Variants in RUNX1 observed in about 807,000 individuals in gnomAD.
RUNX1 encodes RUNX family transcription factor 1.
RUNX1 carries 19 observed loss-of-function variants against 42.8 expected under a neutral mutation model. The observed-to-expected ratio is 0.44, with a 90% confidence interval of 0.31 to 0.65. The LOEUF (loss-of-function observed/expected upper bound fraction) is 0.65, where lower values mean the gene tolerates loss of function less well. RUNX1 is among the 30% of genes least tolerant of loss of function. The pLI, the probability that RUNX1 is intolerant of heterozygous loss-of-function variation, is 0.07. For synonymous variants in RUNX1, 271 were observed against 289.4 expected (o/e 0.94, Z 0.64); for missense variants, 528 against 672.0 (o/e 0.79, Z 2.37).
chr21:34,821,306 T>TATTAAGTCA (rs2056904470), intron 7 of RUNX1: 3 of 1,114,730 alleles, frequency 2.7e-6, no homozygotes, highest in Non-Finnish European at 3.3e-6. Context: ...ATTGACCATT[T>TATTAAGTCA]ATTAAGTATT....
intron 6 of RUNX1, among the ~76,000 whole-genome samples, chr21:34,834,935 G>T (rs1046448698): frequency 2.0e-5 from 3 of 152,228 alleles, no homozygotes; most frequent in Non-Finnish European, 4.4e-5. Flanking sequence ...GAGGGAAAGA[G>T]GCGCATTAAT....
At chr21:34,825,091 A>G (rs929057699) in intron 7 of RUNX1, among the ~76,000 whole-genome samples, 5 of 152,236 alleles carry the variant, frequency 3.3e-5, no homozygotes, top group African/African-American at 1.2e-4. Flanking sequence ...TCCTTTAGAA[A>G]TGGGTGTGTA....
chr21:34,938,346 A>C (rs2058501782), intron 2 of RUNX1, among the ~76,000 whole-genome samples: 1 of 152,206 alleles, frequency 6.6e-6, no homozygotes. Flanking sequence ...TTACTAATTA[A>C]GGGATAAATT....
chr21:35,008,502 G>A (rs545479927), intron 2 of RUNX1, among the ~76,000 whole-genome samples: 62 of 152,328 alleles, frequency 4.1e-4, no homozygotes, highest in Middle Eastern at 3.4e-3. Context: ...CTTTGGGCTG[G>A]GAGAATTCCT....
intron 7 of RUNX1, among the ~76,000 whole-genome samples, chr21:34,803,839 G>A (rs1391573434): frequency 6.6e-6 from 1 of 152,180 alleles, no homozygotes. Context: ...GAAGAAAGGA[G>A]AATGCTTTTA....
At chr21:34,912,992 A>C (rs1230158513) in intron 2 of RUNX1, among the ~76,000 whole-genome samples, 1 of 152,156 alleles carries the variant, frequency 6.6e-6, no homozygotes, top group Non-Finnish European at 1.5e-5. Context: ...GCACTTTGGG[A>C]GGCTGAGGCA....
chr21:34,865,054 G>C (rs910597444), intron 5 of RUNX1, among the ~76,000 whole-genome samples: 13 of 152,082 alleles, frequency 8.5e-5, no homozygotes, highest in African/African-American at 2.9e-4. Context: ...ATCTGTAAAA[G>C]GGGGTTAATA....
intron 7 of RUNX1, among the ~76,000 whole-genome samples, chr21:34,820,607 T>A (rs1332132646): frequency 6.6e-6 from 1 of 151,220 alleles, no homozygotes; most frequent in East Asian, 1.9e-4. Context: ...AGGTAGAGGT[T>A]GCAGTGAGCC....
At chr21:34,869,795 G>T (rs2057712821) in intron 5 of RUNX1, among the ~76,000 whole-genome samples, 1 of 152,216 alleles carries the variant, frequency 6.6e-6, no homozygotes, top group Admixed American at 6.5e-5. Context: ...CACTCAGGAA[G>T]AATGTGATGC....
chr21:34,928,967 G>A (rs1235029827), intron 2 of RUNX1, among the ~76,000 whole-genome samples: 2 of 148,764 alleles, frequency 1.3e-5, no homozygotes, highest in Non-Finnish European at 3.0e-5. Context: ...TTTTTGGGGG[G>A]GGGGGTAGAT....
Position 34,787,982 on chromosome 21 carries a change from C to T in RUNX1, c.*4153G>A, listed in dbSNP as rs918587469. On this transcript the variant is annotated 3_prime_UTR_variant, in exon 9 of 9. Coordinates refer to ENST00000675419, the MANE Select transcript of RUNX1 (RefSeq NM_001754.5). ...TCCCAGGAGAGGGGAGGCGGCCCAC[C>T]CGACTGTGTACCGTGGACTGTGGAC... is the stretch of plus-strand genomic sequence containing the variant. 6 of 233,378 alleles carry T rather than the reference C, an allele frequency of 2.6e-5. No homozygotes were observed. The highest frequency in any genetic ancestry group is 1.1e-4 in the African/African-American group (5 of 45,472). 14.5% of individuals were successfully genotyped at this position (233,378 alleles called of 1,614,324 possible).
intron 3 of RUNX1, chr21:34,887,782 T>C (rs1289172471): frequency 1.9e-5 from 20 of 1,062,784 alleles, no homozygotes; most frequent in Admixed American, 5.3e-5. Context: ...AATCCATTAA[T>C]GTACGCTGCA....
At chr21:34,986,427 G>A (rs1029475586) in intron 2 of RUNX1, among the ~76,000 whole-genome samples, 1 of 151,570 alleles carries the variant, frequency 6.6e-6, no homozygotes, top group Non-Finnish European at 1.5e-5. Flanking sequence ...CAGGGAGCAG[G>A]AGATATGTGG....
chr21:35,009,199 G>A (rs2059107284), intron 2 of RUNX1, among the ~76,000 whole-genome samples: 1 of 152,114 alleles, frequency 6.6e-6, no homozygotes, highest in African/African-American at 2.4e-5. Context: ...AAATGTTGTT[G>A]GTAAAACAAC....
chr21:34,945,563 C>G (rs528376425), intron 2 of RUNX1, among the ~76,000 whole-genome samples: 1 of 152,178 alleles, frequency 6.6e-6, no homozygotes, highest in East Asian at 1.9e-4. Context: ...GTCAAAGTAC[C>G]ACCAGTTGAT....
intron 2 of RUNX1, among the ~76,000 whole-genome samples, chr21:35,036,968 T>G (rs527694918): frequency 5.3e-5 from 8 of 152,260 alleles, no homozygotes; most frequent in Non-Finnish European, 8.8e-5. Context: ...GGTACATCAC[T>G]CTGTGGTTTC....
At chr21:35,041,069 G>T (rs1016133739) in intron 2 of RUNX1, among the ~76,000 whole-genome samples, 4 of 152,148 alleles carry the variant, frequency 2.6e-5, no homozygotes, top group African/African-American at 7.2e-5. Flanking sequence ...TTGCTCTCAG[G>T]CTATATTTGA....
At chr21:34,821,295 C>T in intron 7 of RUNX1, 1 of 1,102,840 alleles carries the variant, frequency 9.1e-7, no homozygotes, top group Non-Finnish European at 1.1e-6. Flanking sequence ...AAAAGAATAA[C>T]ATTGACCATT....
intron 2 of RUNX1, among the ~76,000 whole-genome samples, chr21:34,924,234 C>G (rs916288985): frequency 6.6e-6 from 1 of 152,216 alleles, no homozygotes; most frequent in Non-Finnish European, 1.5e-5. Flanking sequence ...TTCATTTCAA[C>G]TAAATTTCAG....
Sources: allele counts gnomAD v4.1 joint callset (sites outside exome capture counted in the v4.1 genomes callset), GRCh38; gene constraint gnomAD v4.1.1; transcripts MANE v1.5; gene names NCBI Gene and HGNC (gene_info 2026-07-23, HGNC 2026-07-21).